Variants in ASCC3 observed in about 807,000 individuals in gnomAD.
The protein encoded by ASCC3 is activating signal cointegrator 1 complex subunit 3.
In ASCC3, 158 loss-of-function variants were observed where a neutral mutation model predicts 256.3. The ratio of observed to expected loss-of-function variants is 0.62; its 90% CI spans 0.54 to 0.70. ASCC3 has a LOEUF of 0.70. Among genes scored for constraint, ASCC3 ranks in the 30% least tolerant of loss-of-function variants. The pLI, the probability that ASCC3 is intolerant of heterozygous loss-of-function variation, is 0.00. For synonymous variants in ASCC3, 948 were observed against 883.4 expected (o/e 1.07, Z -1.30); for missense variants, 2,259 against 2,626.0 (o/e 0.86, Z 3.05).
At chr6:100,736,241 G>C (rs1340195649) in intron 10 of ASCC3, among the ~76,000 whole-genome samples, 1 of 152,146 alleles carries the variant, frequency 6.6e-6, no homozygotes, top group Non-Finnish European at 1.5e-5. Flanking sequence ...TAGCTATGTA[G>C]GTTTAAAAAG....
chr6:100,583,241 T>C (rs1466838988), intron 36 of ASCC3, among the ~76,000 whole-genome samples: 4 of 152,214 alleles, frequency 2.6e-5, no homozygotes, highest in East Asian at 3.9e-4. Context: ...TGGTAAGCTA[T>C]TGATTATTGC....
At position 100,614,377 on chromosome 6, in the gene ASCC3, C is replaced by T. The variant is rs527787650; in HGVS notation, c.4786-7289G>A. Among the ~76,000 whole-genome samples, 11 of 152,144 alleles carry T rather than the reference C, an allele frequency of 7.2e-5. No homozygotes were observed. The East Asian group carries it at 9.6e-4, about 13-fold the overall frequency. ...TTACCACAACTCTCAACAAAGAGAACCTATAAGGTATAATTTCATGTTGCT... is the reference window on the plus strand; with the variant it reads ...TTACCACAACTCTCAACAAAGAGAATCTATAAGGTATAATTTCATGTTGCT... On this transcript the variant is annotated intron_variant, in intron 30 of 41. Transcript: ENST00000369162.
chr6:100,771,705 C>T (rs12174806), intron 8 of ASCC3, among the ~76,000 whole-genome samples: 83,291 of 151,636 alleles, frequency 0.55, 23,230 homozygotes, highest in South Asian at 0.75. Flanking sequence ...AAAATCACAA[C>T]TATGCACCTG....
intron 8 of ASCC3, among the ~76,000 whole-genome samples, chr6:100,786,272 A>G (rs1769073992): frequency 6.6e-6 from 1 of 152,164 alleles, no homozygotes; most frequent in African/African-American, 2.4e-5. Context: ...ATTCATACAC[A>G]TGCTCATGGT....
intron 36 of ASCC3, among the ~76,000 whole-genome samples, chr6:100,564,335 C>T (rs1383794175): frequency 6.6e-6 from 1 of 152,070 alleles, no homozygotes. Context: ...TGTTTGTACG[C>T]ATTAACCCAC....
chr6:100,700,519 C>T (rs936827973), intron 13 of ASCC3, among the ~76,000 whole-genome samples: 1 of 152,170 alleles, frequency 6.6e-6, no homozygotes, highest in Non-Finnish European at 1.5e-5. Flanking sequence ...GATCCACTGA[C>T]AGCTTGCACC....
chr6:100,841,895 T>C (rs1335152531), intron 4 of ASCC3, among the ~76,000 whole-genome samples: 1 of 152,160 alleles, frequency 6.6e-6, no homozygotes, highest in Non-Finnish European at 1.5e-5. Context: ...AAGAAGCTCT[T>C]CATTAGAATA....
intron 13 of ASCC3, among the ~76,000 whole-genome samples, chr6:100,682,496 T>C (rs775106658): frequency 6.6e-6 from 1 of 152,178 alleles, no homozygotes; most frequent in Admixed American, 6.5e-5. Flanking sequence ...ATTGTACACA[T>C]AACTTAGGCA....
chr6:100,876,964 T>C (rs1379882635), intron 1 of ASCC3, among the ~76,000 whole-genome samples: 2 of 152,180 alleles, frequency 1.3e-5, no homozygotes, highest in Non-Finnish European at 2.9e-5. Flanking sequence ...TTTTGCAAGA[T>C]GATATTAACC....
intron 24 of ASCC3, 38 bp downstream of exon 24, chr6:100,642,543 G>GA: frequency 6.2e-7 from 1 of 1,607,710 alleles, no homozygotes; most frequent in South Asian, 1.1e-5. Flanking sequence ...AACCATTTTG[G>GA]AAAAATCAAT....
intron 25 of ASCC3, 150 bp from the exon 26 acceptor site, chr6:100,631,363 G>A (rs185678411): frequency 1.4e-4 from 89 of 626,880 alleles, no homozygotes; most frequent in Admixed American, 2.9e-4. Flanking sequence ...TTAAATCAAC[G>A]GGAAAAAGTC....
chr6:100,598,133 C>G (rs536356357), intron 34 of ASCC3, among the ~76,000 whole-genome samples: 111 of 151,996 alleles, frequency 7.3e-4, no homozygotes, highest in Non-Finnish European at 1.3e-3. Context: ...ACAGCAGAAG[C>G]ACAAAAGTGA....
At chr6:100,856,540 CA>C in intron 3 of ASCC3, 7 of 594,728 alleles carry the variant, frequency 1.2e-5, no homozygotes, top group Non-Finnish European at 1.5e-5. Context: ...AAAGAATTAT[CA>C]AAAAACGAAC....
intron 3 of ASCC3, chr6:100,856,271 A>G: frequency 6.4e-6 from 3 of 467,372 alleles, no homozygotes; most frequent in South Asian, 9.3e-5. Context: ...TTATGGATGT[A>G]TAAATAGGTA....
At chr6:100,568,576 T>A (rs1489373721) in intron 36 of ASCC3, among the ~76,000 whole-genome samples, 1 of 151,808 alleles carries the variant, frequency 6.6e-6, no homozygotes, top group Non-Finnish European at 1.5e-5. Context: ...TTGCTTAAGA[T>A]CCTTATAGAT....
At chr6:100,628,192 C>A (rs970996737) in intron 27 of ASCC3, among the ~76,000 whole-genome samples, 1 of 151,548 alleles carries the variant, frequency 6.6e-6, no homozygotes, top group African/African-American at 2.4e-5. Flanking sequence ...TTAAAAAAAA[C>A]TGACCTCATG....
At chr6:100,683,555 T>C (rs554117985) in intron 13 of ASCC3, among the ~76,000 whole-genome samples, 1 of 152,212 alleles carries the variant, frequency 6.6e-6, no homozygotes, top group African/African-American at 2.4e-5. Flanking sequence ...GTTTGCTAAT[T>C]TGGTTAATTA....
At chr6:100,824,673 A>G (rs191747027) in intron 4 of ASCC3, among the ~76,000 whole-genome samples, 4 of 152,010 alleles carry the variant, frequency 2.6e-5, no homozygotes, top group Admixed American at 2.6e-4. Flanking sequence ...ATAAACTAGA[A>G]GACATATTAA....
At chr6:100,779,946 A>C (rs953060721) in intron 8 of ASCC3, among the ~76,000 whole-genome samples, 5 of 152,206 alleles carry the variant, frequency 3.3e-5, no homozygotes, top group Admixed American at 2.0e-4. Flanking sequence ...ATTAAGAAAC[A>C]AACAAATTAA....
Sources: allele counts gnomAD v4.1 joint callset (sites outside exome capture counted in the v4.1 genomes callset), GRCh38; gene constraint gnomAD v4.1.1; transcripts MANE v1.5; gene names NCBI Gene and HGNC (gene_info 2026-07-23, HGNC 2026-07-21).